Variants in DLG2 observed in about 807,000 individuals in gnomAD.
DLG2 encodes disks large homolog 2.
A neutral mutation model predicts 132.5 loss-of-function variants in DLG2; 45 were observed. The ratio of observed to expected loss-of-function variants is 0.34; its 90% CI spans 0.27 to 0.44. The LOEUF (loss-of-function observed/expected upper bound fraction) is 0.44, where lower values mean the gene tolerates loss of function less well. Among genes scored for constraint, DLG2 ranks in the 20% least tolerant of loss-of-function variants. The pLI is 1.00. For missense variants in DLG2, 1,045 were observed against 1,196.9 expected (o/e 0.87, Z 1.87); for synonymous variants, 424 against 419.6 (o/e 1.01, Z -0.13).
intron 6 of DLG2, among the ~76,000 whole-genome samples, chr11:84,804,583 A>G (rs1192175700): frequency 1.3e-5 from 2 of 152,200 alleles, no homozygotes; most frequent in Admixed American, 1.3e-4. Context: ...TTTTGCTTCA[A>G]ATATTCCAGG....
At chr11:85,293,634 G>A (rs1215441212) in intron 3 of DLG2, among the ~76,000 whole-genome samples, 1 of 151,998 alleles carries the variant, frequency 6.6e-6, no homozygotes, top group African/African-American at 2.4e-5. Flanking sequence ...GAAAAGAAAA[G>A]CTTATGAACT....
chr11:85,425,319 T>A (rs1597222285), intron 3 of DLG2, among the ~76,000 whole-genome samples: 1 of 152,186 alleles, frequency 6.6e-6, no homozygotes, highest in African/African-American at 2.4e-5. Context: ...TTAATACTTA[T>A]AATTTTCAAA....
intron 7 of DLG2, among the ~76,000 whole-genome samples, chr11:84,303,654 C>A (rs528682486): frequency 9.8e-5 from 15 of 152,300 alleles, no homozygotes; most frequent in African/African-American, 3.6e-4. Context: ...GTATGACCCA[C>A]TTGAATATGG....
chr11:85,395,794 G>C (rs1379156062), intron 3 of DLG2, among the ~76,000 whole-genome samples: 2 of 152,220 alleles, frequency 1.3e-5, no homozygotes, highest in Non-Finnish European at 2.9e-5. Flanking sequence ...CCACAGCTCA[G>C]CAAGGCCTAC....
At chr11:85,588,506 T>C (rs1226418006) in intron 3 of DLG2, among the ~76,000 whole-genome samples, 1 of 152,196 alleles carries the variant, frequency 6.6e-6, no homozygotes, top group African/African-American at 2.4e-5. Flanking sequence ...TCTCTAAGCG[T>C]GTCTTTCACT....
chr11:84,105,626 A>C (rs565404781), intron 9 of DLG2, among the ~76,000 whole-genome samples: 1 of 152,194 alleles, frequency 6.6e-6, no homozygotes, highest in East Asian at 1.9e-4. Flanking sequence ...TTGTTAAAAC[A>C]AAACTTAGCT....
intron 18 of DLG2, among the ~76,000 whole-genome samples, chr11:83,703,629 A>G (rs1249414634): frequency 2.0e-5 from 3 of 152,230 alleles, no homozygotes; most frequent in African/African-American, 4.8e-5. Flanking sequence ...AGCCTGGGCA[A>G]CAAGAGTGAA....
intron 7 of DLG2, among the ~76,000 whole-genome samples, chr11:84,403,394 C>T (rs1362705885): frequency 6.6e-6 from 1 of 152,166 alleles, no homozygotes; most frequent in Non-Finnish European, 1.5e-5. Context: ...CCCTGACAGC[C>T]AATCAATTGC....
chr11:85,346,359 T>G (rs1596398969), intron 3 of DLG2, among the ~76,000 whole-genome samples: 1 of 151,878 alleles, frequency 6.6e-6, no homozygotes, highest in Non-Finnish European at 1.5e-5. Context: ...AGCTAAATTT[T>G]TTGTATTTTT....
At chr11:84,282,599 T>C (rs2097863676) in intron 7 of DLG2, among the ~76,000 whole-genome samples, 1 of 152,176 alleles carries the variant, frequency 6.6e-6, no homozygotes, top group South Asian at 2.1e-4. Flanking sequence ...TAAGCACTCA[T>C]CATTTAATGC....
At chr11:84,208,196 T>C (rs981163936) in intron 8 of DLG2, among the ~76,000 whole-genome samples, 1 of 152,186 alleles carries the variant, frequency 6.6e-6, no homozygotes, top group Non-Finnish European at 1.5e-5. Flanking sequence ...TTTTGTTCCA[T>C]TGATTTATGT....
chr11:85,255,870 G>A (rs183472524), intron 4 of DLG2, among the ~76,000 whole-genome samples: 27 of 152,252 alleles, frequency 1.8e-4, no homozygotes, highest in Admixed American at 1.7e-3. Context: ...AGAATATATT[G>A]CAAATAACCA....
At chr11:84,529,420 T>C (rs556691628) in intron 7 of DLG2, among the ~76,000 whole-genome samples, 2 of 152,264 alleles carry the variant, frequency 1.3e-5, no homozygotes, top group South Asian at 4.1e-4. Context: ...AAAAGCTCCA[T>C]GATCTGATAA....
At chr11:84,453,644 T>A (rs1015537014) in intron 7 of DLG2, among the ~76,000 whole-genome samples, 1 of 151,684 alleles carries the variant, frequency 6.6e-6, no homozygotes, top group African/African-American at 2.4e-5. Context: ...TAACTACTTA[T>A]CTTATTTAAT....
chr11:84,637,845 A>G (rs926901814), intron 6 of DLG2, among the ~76,000 whole-genome samples: 1 of 152,230 alleles, frequency 6.6e-6, no homozygotes, highest in Admixed American at 6.5e-5. Context: ...AGTAAGAGGT[A>G]AAATCTGATT....
intron 7 of DLG2, among the ~76,000 whole-genome samples, chr11:84,322,476 G>C (rs1398692695): frequency 6.6e-6 from 1 of 152,186 alleles, no homozygotes; most frequent in Admixed American, 6.5e-5. Flanking sequence ...TAGTACAAAA[G>C]AGGGAGCAGT....
chr11:85,314,316 A>G (rs1467456989), intron 3 of DLG2, among the ~76,000 whole-genome samples: 2 of 151,998 alleles, frequency 1.3e-5, no homozygotes, highest in Admixed American at 6.6e-5. Flanking sequence ...CTAATAAAAT[A>G]TCTTTTAAAA....
chr11:83,805,898 T>G (rs77919694), intron 17 of DLG2, among the ~76,000 whole-genome samples: 6 of 152,286 alleles, frequency 3.9e-5, no homozygotes, highest in Admixed American at 6.5e-5. Flanking sequence ...AGAATGAAGT[T>G]ATTTTCCAAG....
chr11:83,459,921 A>G lies in DLG2; in HGVS notation c.2825T>C (p.Ile942Thr). The G allele has an allele frequency of 1.3e-6, 2 of 1,557,478 alleles. No individual in the cohort carries two copies. The highest frequency in any genetic ancestry group is 1.8e-6 in the Non-Finnish European group (2 of 1,131,170). Residue 942 changes from isoleucine to threonine, a missense_variant, in exon 28 of 28, where the codon ATT (isoleucine) becomes ACT (threonine). Transcript: ENST00000376104. The part of the protein sequence containing the change: ...EQEFGEYFTA[I>T]VQGDTLEDIY... ...ATCTTCTAAAGTATCTCCTTGGACA[A>G]TAGCTGTAACAAAAGCAAACACACC...
Sources: gnomAD v4.1 joint callset for allele counts (sites outside exome capture counted in the v4.1 genomes callset) on GRCh38, gnomAD v4.1.1 for gene constraint, MANE v1.5 for transcripts, NCBI Gene and HGNC (gene_info 2026-07-23, HGNC 2026-07-21) for gene names.